LRBA: variants seen among roughly 807,000 people sequenced by gnomAD.
LRBA encodes lipopolysaccharide-responsive and beige-like anchor protein.
Under a neutral mutation model 330.0 loss-of-function variants are expected in LRBA, and 176 were observed. The observed-to-expected ratio is 0.53, with a 90% confidence interval of 0.47 to 0.60. LRBA has a LOEUF of 0.60. Among genes scored for constraint, LRBA ranks in the 20% least tolerant of loss-of-function variants. The pLI is 0.00. For missense variants in LRBA, 3,259 were observed against 3,444.8 expected (o/e 0.95, Z 1.35); for synonymous variants, 1,230 against 1,193.0 (o/e 1.03, Z -0.64).
intron 47 of LRBA, among the ~76,000 whole-genome samples, chr4:150,380,655 C>G (rs1742077692): frequency 6.6e-6 from 1 of 151,938 alleles, no homozygotes; most frequent in Non-Finnish European, 1.5e-5. Flanking sequence ...TTATTATTTT[C>G]TCTTGTTTAT....
chr4:150,771,209 G>T (rs1355007620), intron 34 of LRBA, among the ~76,000 whole-genome samples: 2 of 152,138 alleles, frequency 1.3e-5, no homozygotes, highest in Non-Finnish European at 2.9e-5. Flanking sequence ...ATAACAAGTG[G>T]TAACACTCCC....
chr4:151,011,373 G>A (rs981147122), intron 2 of LRBA, among the ~76,000 whole-genome samples: 1 of 152,022 alleles, frequency 6.6e-6, no homozygotes, highest in Admixed American at 6.6e-5. Flanking sequence ...CTGAACGGGT[G>A]GATCACCTGA....
chr4:150,293,113 T>C (rs1252371877), intron 53 of LRBA, among the ~76,000 whole-genome samples: 1 of 152,094 alleles, frequency 6.6e-6, no homozygotes, highest in Non-Finnish European at 1.5e-5. Flanking sequence ...AACAAAAATA[T>C]ATTATACAAT....
intron 22 of LRBA, among the ~76,000 whole-genome samples, chr4:150,855,412 C>T (rs1217034464): frequency 6.6e-6 from 1 of 152,140 alleles, no homozygotes; most frequent in African/African-American, 2.4e-5. Context: ...TTTATTTCTA[C>T]AATAGCCTGT....
At chr4:150,600,376 CCTTT>C (rs1488515999) in intron 37 of LRBA, among the ~76,000 whole-genome samples, 1 of 151,898 alleles carries the variant, frequency 6.6e-6, no homozygotes, top group Non-Finnish European at 1.5e-5. Flanking sequence ...GTAAAAGTTA[CCTTT>C]ATTTTGATGT....
At chr4:150,784,434 C>T (rs935000260) in intron 34 of LRBA, among the ~76,000 whole-genome samples, 8 of 152,328 alleles carry the variant, frequency 5.3e-5, no homozygotes, top group African/African-American at 1.9e-4. Context: ...CCTTGCCCCA[C>T]ATGATCCTGG....
intron 46 of LRBA, among the ~76,000 whole-genome samples, chr4:150,427,496 AC>A (rs2151976218): frequency 6.6e-6 from 1 of 152,132 alleles, no homozygotes; most frequent in East Asian, 1.9e-4. Flanking sequence ...TCTATAAGTT[AC>A]GTATAAAAAG....
At chr4:150,368,820 G>T (rs185924876) in intron 47 of LRBA, among the ~76,000 whole-genome samples, 1 of 152,152 alleles carries the variant, frequency 6.6e-6, no homozygotes, top group East Asian at 1.9e-4. Flanking sequence ...AGACATTACT[G>T]CATTATCTAA....
At chr4:150,436,988 G>T in intron 44 of LRBA, 124 bp from the exon 45 acceptor site, 1 of 830,716 alleles carries the variant, frequency 1.2e-6, no homozygotes. Flanking sequence ...TACTACTTAA[G>T]CTGCAACACA....
At position 150,837,659 on chromosome 4, in the gene LRBA, T is replaced by A. The variant is rs552552486; in HGVS notation, c.4570-5683A>T. ...CATTTGCTTGGTAGATCTTCCTCCA[T>A]CTCTTTATTTTCAGCCTATGTGTGT... On this transcript the variant is annotated intron_variant, in intron 28 of 56. Transcript: ENST00000651943. 2.3e-3 allele frequency among the ~76,000 whole-genome samples: 352 copies of A among 152,302 alleles called. 1 individual carries two copies. Among genetic ancestry groups the A allele is most frequent in the African/African-American group, 8.0e-3 (332 of 41,564 alleles).
intron 2 of LRBA, among the ~76,000 whole-genome samples, chr4:150,933,444 C>CCA (rs1734726208): frequency 6.6e-6 from 1 of 151,300 alleles, no homozygotes; most frequent in Non-Finnish European, 1.5e-5. Context: ...AAGAATGAGG[C>CCA]CACTCCACAT....
At chr4:150,754,795 A>T (rs929881702) in intron 35 of LRBA, among the ~76,000 whole-genome samples, 5 of 152,174 alleles carry the variant, frequency 3.3e-5, no homozygotes, top group Non-Finnish European at 5.9e-5. Flanking sequence ...GTTTTTCTAT[A>T]AAGTATCTTC....
chr4:150,932,085 A>G (rs1457035637), intron 2 of LRBA, among the ~76,000 whole-genome samples: 1 of 152,176 alleles, frequency 6.6e-6, no homozygotes, highest in Non-Finnish European at 1.5e-5. Flanking sequence ...AAAAATAAAA[A>G]TTAATTAAAT....
intron 38 of LRBA, among the ~76,000 whole-genome samples, chr4:150,597,654 A>C (rs1296027235): frequency 6.6e-6 from 1 of 151,906 alleles, no homozygotes; most frequent in Non-Finnish European, 1.5e-5. Context: ...TAAAAATTGC[A>C]AAAAAAGTTC....
chr4:150,330,326 C>T (rs1390018672), intron 48 of LRBA, among the ~76,000 whole-genome samples: 1 of 152,076 alleles, frequency 6.6e-6, no homozygotes, highest in Non-Finnish European at 1.5e-5. Context: ...ACCAAGTTTC[C>T]CTAATCTTGT....
intron 2 of LRBA, among the ~76,000 whole-genome samples, chr4:150,999,449 T>A (rs1743087352): frequency 6.6e-6 from 1 of 151,780 alleles, no homozygotes; most frequent in Non-Finnish European, 1.5e-5. Flanking sequence ...TTTAATTCTA[T>A]AGAGATAAGG....
rs934293679 is a variant in LRBA, at chr4:150,772,919, TAG to T, written c.5581-11074_5581-11073del. On this transcript the variant is annotated intron_variant, in intron 34 of 56. Transcript: ENST00000651943. ...AGGAATACGTTGCCTCTAAAATCCA[TAG>T]AGTCTACAGCCATACCACCCTGAAA... Among the ~76,000 whole-genome samples the T allele has an allele frequency of 5.8e-4, 88 of 152,244 alleles. 1 individual carries two copies. The highest frequency in any genetic ancestry group is 2.1e-3 in the African/African-American group (86 of 41,548).
At chr4:150,928,777 T>C (rs1734148179) in intron 3 of LRBA, 57 bp downstream of exon 3, 10 of 1,437,144 alleles carry the variant, frequency 7.0e-6, no homozygotes, top group Middle Eastern at 1.8e-4. Flanking sequence ...GAAAAATATG[T>C]ATTTGAAAAT....
At chr4:150,659,048 G>C (rs897066479) in intron 37 of LRBA, among the ~76,000 whole-genome samples, 15 of 130,124 alleles carry the variant, frequency 1.2e-4, no homozygotes, top group Admixed American at 4.0e-4. Flanking sequence ...GAGTGCAGTG[G>C]CGTGATCTCG....
Sources: gnomAD v4.1 joint callset for allele counts (sites outside exome capture counted in the v4.1 genomes callset) on GRCh38, gnomAD v4.1.1 for gene constraint, MANE v1.5 for transcripts, NCBI Gene and HGNC (gene_info 2026-07-23, HGNC 2026-07-21) for gene names.